IGFL4: variants seen among roughly 807,000 people sequenced by gnomAD.
IGFL4 encodes IGF like family member 4, also known as insulin growth factor-like family member 4.
Under a neutral mutation model 15.4 loss-of-function variants are expected in IGFL4, and 12 were observed. That is an observed-to-expected ratio of 0.78 (90% CI 0.50 to 1.26). The LOEUF is 1.26. Ranked by LOEUF, IGFL4 falls within the 50% of genes most tolerant of loss-of-function variation. The pLI, the probability that IGFL4 is intolerant of heterozygous loss-of-function variation, is 0.00. For synonymous variants in IGFL4, 54 were observed against 55.9 expected, an observed-to-expected ratio of 0.97 and a Z score of 0.16; for missense variants, 126 against 147.8, an observed-to-expected ratio of 0.85 and a Z score of 0.76.
upstream of IGFL4, among the ~76,000 whole-genome samples, chr19:46,041,342 C>T (rs866338233): frequency 2.0e-5 from 3 of 152,126 alleles, no homozygotes; most frequent in South Asian, 4.1e-4. Context: ...CACCAAACAC[C>T]GGCTGTCTCT....
chr19:46,061,586 A>G (rs187030397), intron 1 of IGFL4, among the ~76,000 whole-genome samples: 1 of 152,346 alleles, frequency 6.6e-6, no homozygotes, highest in East Asian at 1.9e-4. Context: ...GCTGGAAGGC[A>G]AAAACAGATC....
At position 46,040,608 on chromosome 19, in the gene IGFL4, C is replaced by T. The variant is rs943887662; in HGVS notation, c.20-40G>A. The T allele has an allele frequency of 3.1e-6, 5 of 1,607,922 alleles. No individual in the cohort carries two copies. In the African/African-American group the frequency reaches 5.3e-5, roughly 17 times the overall value. On this transcript the variant is annotated intron_variant, in intron 1 of 3. Transcript: ENST00000377697. This position sits in a 1 kb window ranked among gnomAD's most constrained non-coding sequence, Gnocchi z 4.1. ...GAGAGCGAGAATGATTCTGAGGTCA[C>T]TAGGTCTTGACCACGGGGCACAGGA...
chr19:46,076,169 C>T (rs1969593637), intron 1 of IGFL4, among the ~76,000 whole-genome samples: 1 of 152,228 alleles, frequency 6.6e-6, no homozygotes, highest in Admixed American at 6.5e-5. Context: ...ACTAATCCCA[C>T]TCATGAGGGA....
In IGFL4 at chr19:46,040,213, C is replaced by A. The variant is rs1969224104; in HGVS notation, c.274G>T (p.Val92Phe). 6.2e-7 allele frequency: 1 copy of A among 1,614,146 alleles called. No homozygotes were observed. The highest frequency in any genetic ancestry group is 1.3e-5 in the African/African-American group (1 of 75,040). Residue 92 changes from valine (V) to phenylalanine (F), a missense_variant, in exon 3 of 4, where the codon GTC becomes TTC. Physicochemically the swap from Val to Phe is conservative, Grantham distance 50. Coordinates refer to ENST00000377697, the MANE Select transcript of IGFL4 (RefSeq NM_001002923.3). The surrounding 1 kb of genome is among the most constrained non-coding windows in gnomAD (Gnocchi z 4.1). ...TTGCAATCTGGCTTCATGCCTGGGA[C>A]CTTGAACCTCACAACTGTCTGGTTC... ...SQNQTVVRFK[V>F]PGMKPDCKSS...
intron 1 of IGFL4, among the ~76,000 whole-genome samples, chr19:46,072,528 T>C (rs1485061299): frequency 6.6e-6 from 1 of 152,222 alleles, no homozygotes; most frequent in Non-Finnish European, 1.5e-5. Context: ...GACAGGGAGA[T>C]GCCAATGCCA....
chr19:46,044,712 G>C (rs1162046782), upstream of IGFL4, among the ~76,000 whole-genome samples: 7 of 152,052 alleles, frequency 4.6e-5, no homozygotes, highest in East Asian at 7.7e-4. Flanking sequence ...TCCTAACAAG[G>C]GTCTCCAGCC....
At chr19:46,053,448 C>T (rs57687678) in intron 2 of IGFL4, among the ~76,000 whole-genome samples, 27,336 of 152,084 alleles carry the variant, frequency 0.18, 2,686 homozygotes, top group Middle Eastern at 0.21. Context: ...CTCCTGGCCT[C>T]GAGTGATCCC....
chr19:46,063,671 T>C (rs1969467978), intron 1 of IGFL4, among the ~76,000 whole-genome samples: 1 of 152,134 alleles, frequency 6.6e-6, no homozygotes, highest in South Asian at 2.1e-4. Flanking sequence ...AATAGCCAAA[T>C]TGAGGCACTG....
intron 1 of IGFL4, among the ~76,000 whole-genome samples, chr19:46,067,727 G>A (rs1969508330): frequency 6.6e-6 from 1 of 152,134 alleles, no homozygotes; most frequent in Non-Finnish European, 1.5e-5. Context: ...GGCTCTGACA[G>A]GGCCCCAGGT....
At chr19:46,055,771 G>A (rs1037707298) in intron 2 of IGFL4, among the ~76,000 whole-genome samples, 1 of 151,980 alleles carries the variant, frequency 6.6e-6, no homozygotes, top group African/African-American at 2.4e-5. Context: ...TTTTGTGAGA[G>A]CTCAGTTTAA....
chr19:46,067,522 C>A (rs946417688), intron 1 of IGFL4, among the ~76,000 whole-genome samples: 1 of 152,134 alleles, frequency 6.6e-6, no homozygotes, highest in African/African-American at 2.4e-5. Context: ...TTAGCCAGAA[C>A]AAAAGCTAGC....
rs1467761044 is a variant in IGFL4, at chr19:46,040,626, G to T, written c.20-58C>A. On this transcript the variant is annotated intron_variant, in intron 1 of 3. Transcript: ENST00000377697. The surrounding 1 kb of genome is among the most constrained non-coding windows in gnomAD (Gnocchi z 4.1). The stretch of plus-strand genomic sequence containing the variant: ...GAGGTCACTAGGTCTTGACCACGGG[G>T]CACAGGATGATGTCTCTGAGCTTCT... The T allele has an allele frequency of 1.3e-6, 2 of 1,567,298 alleles. No homozygotes were observed. The highest frequency in any genetic ancestry group is 8.8e-7 in the Non-Finnish European group (1 of 1,138,726).
At chr19:46,066,997 G>C (rs918634229) in intron 1 of IGFL4, among the ~76,000 whole-genome samples, 1 of 152,110 alleles carries the variant, frequency 6.6e-6, no homozygotes, top group African/African-American at 2.4e-5. Context: ...TGTCCAATCT[G>C]GTTCTCACTG....
In IGFL4 at chr19:46,039,522, G is replaced by A. The variant is rs1784910062; in HGVS notation, c.*370C>T. The stretch of plus-strand genomic sequence containing the variant: ...CACGATATTGATTCTTCCTACCCAT[G>A]AGCATGGAATGTTCTTCCATTTGTT... On this transcript the variant is annotated 3_prime_UTR_variant, in exon 4 of 4. Coordinates refer to ENST00000377697, the MANE Select transcript of IGFL4 (RefSeq NM_001002923.3). 7.9e-6 allele frequency among the ~76,000 whole-genome samples: 1 copy of A among 126,540 alleles called. No homozygotes were observed. Among genetic ancestry groups the A allele is most frequent in the African/African-American group, 3.1e-5 (1 of 32,474 alleles). 83.0% of individuals were successfully genotyped at this position (126,540 alleles called of 152,430 possible).
intron 2 of IGFL4, chr19:46,058,075 C>A (rs1969409894): frequency 1.3e-5 from 2 of 152,018 alleles, no homozygotes; most frequent in Non-Finnish European, 2.9e-5. Flanking sequence ...ATTCTTAACT[C>A]ATTTCAGCAT....
rs780718576 is a variant in IGFL4 at position 46,052,821 on chromosome 19, CAT to C, written c.-323+7362_-323+7363del. Among the ~76,000 whole-genome samples, 382 of 147,952 alleles carry C rather than the reference CAT, an allele frequency of 2.6e-3. 2 individuals are homozygous for C. The highest frequency in any genetic ancestry group is 3.7e-3 in the Non-Finnish European group (252 of 67,402). On this transcript the variant is annotated intron_variant, in intron 2 of 5. Transcript: ENST00000601672. The stretch of plus-strand genomic sequence containing the variant: ...TAACACATACTTAAAATGTACATTA[CAT>C]GTTTTATTCCCTAGAATTCTACAGG...
intron 2 of IGFL4, among the ~76,000 whole-genome samples, chr19:46,056,873 C>G (rs1484160242): frequency 6.6e-6 from 1 of 152,180 alleles, no homozygotes; most frequent in Non-Finnish European, 1.5e-5. Flanking sequence ...CGAAGGAGGA[C>G]ACAAATTCCT....
chr19:46,040,034 G>A lies in IGFL4; in HGVS notation c.331-98C>T, dbSNP rs1392734694. 3 of 1,503,252 alleles carry A rather than the reference G, an allele frequency of 2.0e-6. No homozygotes were observed. The highest frequency in any genetic ancestry group is 4.5e-5 in the East Asian group (2 of 44,272). The allele number at this position is 1,503,252 out of a possible 1,614,324, so 93.1% of individuals were successfully genotyped here. On this transcript the variant is annotated intron_variant, in intron 3 of 3. Transcript: ENST00000377697. The surrounding 1 kb of genome is among the most constrained non-coding windows in gnomAD (Gnocchi z 4.1). ...GACATGGAGAAAGACAGAGTTGCAT[G>A]GTTACTGAGAGATGGGAAGGTATGG...
At chr19:46,074,755 C>G (rs1046111025) in intron 1 of IGFL4, among the ~76,000 whole-genome samples, 5 of 152,184 alleles carry the variant, frequency 3.3e-5, no homozygotes, top group African/African-American at 1.2e-4. Flanking sequence ...CTTTCCCAAC[C>G]CACTGACCCA....
Sources: gnomAD v4.1 joint callset for allele counts (sites outside exome capture counted in the v4.1 genomes callset) on GRCh38, gnomAD v4.1.1 for gene constraint, Gnocchi (gnomAD v3.1) non-coding constraint, MANE v1.5 for transcripts, NCBI Gene and HGNC (gene_info 2026-07-23, HGNC 2026-07-21) for gene names.